ANKRD36C: variants seen among roughly 807,000 people sequenced by gnomAD.
The protein encoded by ANKRD36C is ankyrin repeat domain-containing protein 36C.
In ANKRD36C, 61 loss-of-function variants were observed where a neutral mutation model predicts 276.4. The observed-to-expected ratio is 0.22, with a 90% CI of 0.18 to 0.27. ANKRD36C has a LOEUF of 0.27. Among genes scored for constraint, ANKRD36C ranks in the 10% least tolerant of loss-of-function variants. The pLI, the probability that ANKRD36C is intolerant of heterozygous loss-of-function variation, is 1.00. For synonymous variants in ANKRD36C, 483 were observed against 680.1 expected (o/e 0.71, Z 4.51); for missense variants, 1,447 against 2,032.3 (o/e 0.71, Z 5.54).
intron 13 of ANKRD36C, among the ~76,000 whole-genome samples, chr2:95,956,303 A>G (rs1261037536): frequency 1.3e-5 from 2 of 152,278 alleles, no homozygotes; most frequent in Non-Finnish European, 2.9e-5. Flanking sequence ...TGGTTAAAAA[A>G]AAAAGTAATA....
intron 61 of ANKRD36C, among the ~76,000 whole-genome samples, chr2:95,858,155 A>C (rs201276236): frequency 0.019 from 2,762 of 146,616 alleles, 56 homozygotes; most frequent in Non-Finnish European, 0.021. Context: ...CCAAGCTGCG[A>C]CCCAACCACC....
intron 22 of ANKRD36C, among the ~76,000 whole-genome samples, chr2:95,936,033 G>C (rs1471088823): frequency 1.5e-4 from 22 of 150,808 alleles, no homozygotes; most frequent in African/African-American, 4.7e-4. Flanking sequence ...ACATACAGAA[G>C]CATAGTTAAC....
intron 60 of ANKRD36C, among the ~76,000 whole-genome samples, chr2:95,860,505 G>C (rs1675548088): frequency 6.6e-6 from 1 of 152,182 alleles, no homozygotes; most frequent in Non-Finnish European, 1.5e-5. Context: ...CTGAAGCTCT[G>C]CTGCAATCTG....
chr2:95,911,590 G>C (rs1239389520), intron 42 of ANKRD36C, among the ~76,000 whole-genome samples: 1 of 151,438 alleles, frequency 6.6e-6, no homozygotes. Flanking sequence ...GTAACAAAGA[G>C]GAGTAATGAG....
At chr2:95,913,017 C>T (rs1454368524) in intron 40 of ANKRD36C, among the ~76,000 whole-genome samples, 4 of 150,462 alleles carry the variant, frequency 2.7e-5, no homozygotes, top group Admixed American at 1.3e-4. Context: ...ATCTCTCACA[C>T]CCATGTAGTG....
At chr2:95,962,462 G>T in intron 7 of ANKRD36C, 38 bp from the exon 8 acceptor site, 1 of 1,590,884 alleles carries the variant, frequency 6.3e-7, no homozygotes. Context: ...AATACGTAAA[G>T]TATTTTTCAC....
intron 34 of ANKRD36C, among the ~76,000 whole-genome samples, chr2:95,918,452 A>G (rs1377623627): frequency 1.3e-5 from 2 of 151,538 alleles, no homozygotes; most frequent in Non-Finnish European, 3.0e-5. Context: ...CCATTATACT[A>G]CAAACATTCA....
chr2:95,931,794 T>C (rs1328493933), intron 24 of ANKRD36C, among the ~76,000 whole-genome samples: 2 of 148,452 alleles, frequency 1.3e-5, no homozygotes, highest in African/African-American at 4.9e-5. Context: ...CATTTTCATT[T>C]GTAATTAAAA....
intron 8 of ANKRD36C, among the ~76,000 whole-genome samples, chr2:95,961,504 A>AT (rs1477650347): frequency 6.6e-6 from 1 of 151,156 alleles, no homozygotes; most frequent in Non-Finnish European, 1.5e-5. Context: ...TGAATTCAAC[A>AT]TTATTTTTCT....
At chr2:95,974,199 T>C (rs1447142649) in intron 6 of ANKRD36C, among the ~76,000 whole-genome samples, 5 of 152,248 alleles carry the variant, frequency 3.3e-5, no homozygotes, top group African/African-American at 1.2e-4. Context: ...TATGTCAAGT[T>C]TGAAAATTTA....
chr2:95,908,443 G>T, intron 42 of ANKRD36C, 59 bp downstream of exon 48: 1 of 1,367,242 alleles, frequency 7.3e-7, no homozygotes. Flanking sequence ...TTTATTCACG[G>T]AAGAGAATTT....
chr2:95,965,668 A>G (rs950771938), intron 6 of ANKRD36C, among the ~76,000 whole-genome samples: 9 of 152,180 alleles, frequency 5.9e-5, no homozygotes, highest in Non-Finnish European at 1.3e-4. Flanking sequence ...ATTTATGTCC[A>G]TATGGTATCA....
chr2:95,986,529 T>C (rs1679029065), intron 3 of ANKRD36C: 4 of 549,638 alleles, frequency 7.3e-6, no homozygotes, highest in Non-Finnish European at 1.2e-5. Context: ...TTCATGTTTG[T>C]ATAATTATTT....
Position 95,920,078 on chromosome 2 carries a change from A to G in ANKRD36C, c.2245+1529T>C, listed in dbSNP as rs113220335. On this transcript the variant is annotated intron_variant, in intron 34 of 66. Coordinates refer to ENST00000456556, the Ensembl canonical transcript of ANKRD36C. ...GTCTTGGGACTGGAACATGACAGAAATACACTGGTAAGAGGGAATACAGGC... is the reference window on the plus strand; with the variant it reads ...GTCTTGGGACTGGAACATGACAGAAGTACACTGGTAAGAGGGAATACAGGC... Among the ~76,000 whole-genome samples the G allele has an allele frequency of 1.9e-4, 25 of 131,938 alleles. 3 individuals are homozygous for G. The highest frequency in any genetic ancestry group is 9.3e-4 in the South Asian group (4 of 4,312). The allele number at this position is 131,938 out of a possible 152,430, so 86.6% of individuals were successfully genotyped here. A position where few individuals can be genotyped will look rare whatever the true frequency, so the allele number is the denominator to read the frequency against.
chr2:95,880,447 T>C (rs1233005462), exon 58 of ANKRD36C: 1 of 1,555,862 alleles, frequency 6.4e-7, no homozygotes, highest in African/African-American at 1.4e-5. Context: ...TGTTTGTACA[T>C]CTTTCATTTT....
At chr2:95,916,220 G>T in intron 36 of ANKRD36C, 49 bp from the exon 39 acceptor site, 2 of 1,599,188 alleles carry the variant, frequency 1.3e-6, no homozygotes, top group Non-Finnish European at 1.7e-6. Flanking sequence ...ATATGATAAA[G>T]TTATCCATAC....
chr2:95,902,922 C>G (rs1263675840), intron 42 of ANKRD36C: 3 of 1,588,598 alleles, frequency 1.9e-6, no homozygotes, highest in Non-Finnish European at 1.7e-6. Context: ...TTTCCTCTGG[C>G]TATATTCAAA....
intron 12 of ANKRD36C, among the ~76,000 whole-genome samples, chr2:95,957,488 C>T (rs1350621696): frequency 6.6e-6 from 1 of 152,298 alleles, no homozygotes; most frequent in Non-Finnish European, 1.5e-5. Context: ...ATTTTTCATA[C>T]CCATGTGGTA....
chr2:95,920,289 T>C (rs1677228158), intron 34 of ANKRD36C, among the ~76,000 whole-genome samples: 1 of 132,616 alleles, frequency 7.5e-6, no homozygotes, highest in African/African-American at 2.6e-5. Context: ...ATCCCACATG[T>C]CTTTCGTGCA....
Sources: gnomAD v4.1 joint callset for allele counts (sites outside exome capture counted in the v4.1 genomes callset) on GRCh38, gnomAD v4.1.1 for gene constraint, MANE v1.5 for transcripts, NCBI Gene and HGNC (gene_info 2026-07-23, HGNC 2026-07-21) for gene names.